Variants in GLIS3 observed in about 807,000 individuals in gnomAD.
The protein encoded by GLIS3 is GLIS family zinc finger 3.
GLIS3 carries 53 observed loss-of-function variants against 78.6 expected under a neutral mutation model. The observed-to-expected ratio is 0.67, with a 90% confidence interval of 0.54 to 0.85. GLIS3 has a LOEUF of 0.85. Among genes scored for constraint, GLIS3 ranks in the 40% least tolerant of loss-of-function variants. The probability of loss-of-function intolerance (pLI) is 0.00; values close to 1 mark genes in which losing one functional copy is unlikely to be tolerated. For synonymous variants in GLIS3, 684 were observed against 509.9 expected, an observed-to-expected ratio of 1.34 and a Z score of -4.60; for missense variants, 1,703 against 1,231.1, an observed-to-expected ratio of 1.38 and a Z score of -5.74.
At chr9:3,856,564 G>A (rs972009205) in intron 8 of GLIS3, among the ~76,000 whole-genome samples, 20 of 152,110 alleles carry the variant, frequency 1.3e-4, no homozygotes, top group African/African-American at 4.6e-4. Flanking sequence ...AATTTGATCC[G>A]TATGTTTCTG....
intron 4 of GLIS3, among the ~76,000 whole-genome samples, chr9:3,970,335 T>A (rs1818287043): frequency 6.6e-6 from 1 of 152,206 alleles, no homozygotes; most frequent in South Asian, 2.1e-4. Flanking sequence ...TTACAGTCCT[T>A]ATATTATGAG....
intron 2 of GLIS3, among the ~76,000 whole-genome samples, chr9:4,319,811 T>C (rs1817495483): frequency 6.6e-6 from 1 of 152,146 alleles, no homozygotes; most frequent in African/African-American, 2.4e-5. Context: ...TAAAATGTTA[T>C]CACAAAATTT....
chr9:4,464,194 C>T, the GLIS3 span, among the ~76,000 whole-genome samples: 2 of 151,940 alleles, frequency 1.3e-5, no homozygotes, highest in South Asian at 2.1e-4. Flanking sequence ...ACCTCTCTAA[C>T]GTTGCTTATT....
At chr9:4,325,690 CT>C (rs1213116184) in intron 2 of GLIS3, among the ~76,000 whole-genome samples, 19 of 152,104 alleles carry the variant, frequency 1.2e-4, no homozygotes, top group Non-Finnish European at 2.5e-4. Flanking sequence ...AATCAACTCT[CT>C]TTTTTTTGAG....
intron 4 of GLIS3, among the ~76,000 whole-genome samples, chr9:4,102,163 T>C (rs552791435): frequency 4.2e-4 from 64 of 152,298 alleles, no homozygotes; most frequent in East Asian, 2.1e-3. Context: ...TCTCCATTTA[T>C]GTCAGTATTT....
At chr9:4,070,270 T>C (rs1408737680) in intron 4 of GLIS3, among the ~76,000 whole-genome samples, 4 of 152,110 alleles carry the variant, frequency 2.6e-5, no homozygotes, top group East Asian at 3.9e-4. Flanking sequence ...TCCCCTCTCA[T>C]GGGGATAATG....
chr9:4,483,834 G>A, the GLIS3 span, among the ~76,000 whole-genome samples: 15 of 152,044 alleles, frequency 9.9e-5, no homozygotes, highest in East Asian at 5.8e-4. Context: ...TACACAAGGA[G>A]CTGAATCTTT....
intron 4 of GLIS3, among the ~76,000 whole-genome samples, chr9:4,025,380 GTTTA>G (rs1435927649): frequency 1.3e-5 from 2 of 152,114 alleles, no homozygotes; most frequent in Non-Finnish European, 2.9e-5. Context: ...CCCTTGGTTG[GTTTA>G]TTTGTTTGCT....
chr9:3,945,021 C>T (rs574213545), intron 4 of GLIS3, among the ~76,000 whole-genome samples: 53 of 152,242 alleles, frequency 3.5e-4, no homozygotes, highest in Non-Finnish European at 7.1e-4. Flanking sequence ...AACTCGCTCA[C>T]TCCTGTGACA....
intron 1 of GLIS3, among the ~76,000 whole-genome samples, chr9:4,291,239 A>G (rs2130388472): frequency 6.6e-6 from 1 of 152,194 alleles, no homozygotes; most frequent in Non-Finnish European, 1.5e-5. Flanking sequence ...AGACGAAATA[A>G]AAGAGGTTTT....
chr9:4,172,597 GA>G (rs1288981256), intron 2 of GLIS3, among the ~76,000 whole-genome samples: 4 of 152,108 alleles, frequency 2.6e-5, no homozygotes, highest in Admixed American at 6.6e-5. Context: ...AATATTTTTG[GA>G]ATGAATGATA....
intron 2 of GLIS3, among the ~76,000 whole-genome samples, chr9:4,324,841 C>G (rs1817578967): frequency 6.6e-6 from 1 of 152,196 alleles, no homozygotes; most frequent in South Asian, 2.1e-4. Flanking sequence ...AAAATAATCA[C>G]TTCAATCATC....
In GLIS3 at chr9:4,141,460, G is replaced by C. The variant is rs79344575; in HGVS notation, c.389-15519C>G. On this transcript the variant is annotated intron_variant, in intron 2 of 10. Transcript: ENST00000381971. The stretch of plus-strand genomic sequence containing the variant: ...GGCTTGGTCAAAGGGCATCTCAGCA[G>C]TAACCTGAAGAACCAAGAACACAGA... 1.6e-3 allele frequency among the ~76,000 whole-genome samples: 251 copies of C among 152,296 alleles called. 1 individual carries two copies. The highest frequency in any genetic ancestry group is 5.8e-3 in the African/African-American group (242 of 41,558).
intron 2 of GLIS3, among the ~76,000 whole-genome samples, chr9:4,265,937 G>C (rs1394860678): frequency 1.7e-4 from 1 of 5,972 alleles, no homozygotes; most frequent in Non-Finnish European, 2.8e-4. Context: ...TGTTTGTTTG[G>C]AGACGGAGTC....
intron 1 of GLIS3, among the ~76,000 whole-genome samples, chr9:4,289,644 C>T (rs966861251): frequency 3.9e-5 from 6 of 152,072 alleles, no homozygotes; most frequent in African/African-American, 1.4e-4. Context: ...AACTACTCTA[C>T]CCCAGGCTAC....
intron 9 of GLIS3, among the ~76,000 whole-genome samples, chr9:3,850,316 C>T (rs541504398): frequency 6.6e-6 from 1 of 152,176 alleles, no homozygotes; most frequent in African/African-American, 2.4e-5. Context: ...GGGAGGGAGC[C>T]CCCTGGGACT....
intron 1 of GLIS3, among the ~76,000 whole-genome samples, chr9:4,295,781 G>C (rs1366923089): frequency 3.3e-5 from 5 of 152,186 alleles, no homozygotes; most frequent in South Asian, 2.1e-4. Context: ...CATCTCAATA[G>C]AAAATTTGGC....
intron 4 of GLIS3, among the ~76,000 whole-genome samples, chr9:4,011,307 G>C (rs998717138): frequency 6.6e-6 from 1 of 152,158 alleles, no homozygotes; most frequent in Non-Finnish European, 1.5e-5. Flanking sequence ...GGAGAGAACA[G>C]GGTGAGTAAG....
chr9:3,981,041 T>C (rs1819237656), intron 4 of GLIS3, among the ~76,000 whole-genome samples: 1 of 152,190 alleles, frequency 6.6e-6, no homozygotes, highest in Non-Finnish European at 1.5e-5. Flanking sequence ...TGAAGAAAGA[T>C]GAACTCGGGC....
Sources: gnomAD v4.1 joint callset for allele counts (sites outside exome capture counted in the v4.1 genomes callset) on GRCh38, gnomAD v4.1.1 for gene constraint, MANE v1.5 for transcripts, NCBI Gene and HGNC (gene_info 2026-07-23, HGNC 2026-07-21) for gene names.